The following SCN9A variants were observed in gnomAD, a reference collection of about 807,000 sequenced individuals.
SCN9A encodes sodium voltage-gated channel alpha subunit 9, also known as sodium channel protein type 9 subunit alpha.
Under a neutral mutation model 187.0 loss-of-function variants are expected in SCN9A, and 131 were observed. The ratio of observed to expected loss-of-function variants is 0.70; its 90% CI spans 0.61 to 0.81. SCN9A has a LOEUF of 0.81. SCN9A is among the 30% of genes least tolerant of loss of function. The pLI, the probability that SCN9A is intolerant of heterozygous loss-of-function variation, is 0.00. For synonymous variants in SCN9A, 809 were observed against 808.6 expected (o/e 1.00, Z -0.01); for missense variants, 2,252 against 2,396.6 (o/e 0.94, Z 1.26).
intron 26 of SCN9A, among the ~76,000 whole-genome samples, chr2:166,202,347 T>G (rs1444284608): frequency 1.3e-5 from 2 of 151,742 alleles, no homozygotes; most frequent in African/African-American, 4.8e-5. Flanking sequence ...ACACAGTAAA[T>G]TGGTAATTAT....
Position 166,222,439 on chromosome 2 carries a change from C to T in SCN9A, c.4398+4128G>A, listed in dbSNP as rs1694628021. On this transcript the variant is annotated intron_variant, in intron 24 of 26. Transcript: ENST00000642356. ...GGTCAGGAGATCAAGACCATCCTGG[C>T]CAAAATGGTGAAACTCCATCTCTAC... is the stretch of plus-strand genomic sequence containing the variant. Among the ~76,000 whole-genome samples the T allele has an allele frequency of 2.6e-5, 4 of 151,950 alleles. No individual in the cohort carries two copies. In the South Asian group the frequency reaches 8.3e-4, roughly 32 times the overall value.
intron 18 of SCN9A, among the ~76,000 whole-genome samples, chr2:166,245,010 TTC>T (rs768162138): frequency 3.3e-5 from 5 of 152,094 alleles, no homozygotes; most frequent in Non-Finnish European, 5.9e-5. Flanking sequence ...ATTATTGAAA[TTC>T]TGTTTTTTGA....
chr2:166,277,146 G>A lies in SCN9A; in HGVS notation c.2711C>T (p.Thr904Met), dbSNP rs201432813. 41 of 1,613,824 alleles carry A rather than the reference G, an allele frequency of 2.5e-5. No individual in the cohort carries two copies. The highest frequency in any genetic ancestry group is 3.3e-5 in the South Asian group (3 of 91,082). The change falls in exon 16 of 27, where the codon ACG becomes ATG. Residue 904 changes from threonine to methionine, a missense_variant. Thr to Met is a moderately conservative substitution (Grantham distance 81). Transcript: ENST00000642356. Reference sequence around the variant, plus strand: ...GTCGTTCATGTGCCACCGTGGGAGCGTACAGTCATCATTGATCTTGCAGAC... The same window carrying A: ...GTCGTTCATGTGCCACCGTGGGAGCATACAGTCATCATTGATCTTGCAGAC... ...ECVCKINDDCTLPRWHMNDFF... is the reference protein window; with the variant it reads ...ECVCKINDDCMLPRWHMNDFF...
rs1553495048 is a variant in SCN9A at position 166,303,090 on chromosome 2, T to A, written c.901A>T (p.Lys301Ter). 1 of 1,582,310 alleles carries A rather than the reference T, an allele frequency of 6.3e-7. No homozygotes were observed. Among genetic ancestry groups the A allele is most frequent in the Non-Finnish European group, 8.6e-7 (1 of 1,157,228 alleles). Residue 301 changes from lysine (K) to a stop codon, truncating the protein, a stop_gained and splice_region_variant, in exon 7 of 27, where the codon AAA (lysine) becomes TAA (stop). Coordinates refer to ENST00000642356, the MANE Select transcript of SCN9A (RefSeq NM_001365536.1). LOFTEE classifies it high-confidence loss of function. Reference sequence around the variant, plus strand: ...ATAACAAATGCAAGGACATTCTTACTTCTAAAGTCTTCTTCACTCTCTAGG... The same window carrying A: ...ATAACAAATGCAAGGACATTCTTACATCTAAAGTCTTCTTCACTCTCTAGG... ...NTLESEEDFR[K>*]YFYYLEGSKD...
chr2:166,235,202 C>A (rs1277986896), intron 20 of SCN9A, among the ~76,000 whole-genome samples: 1 of 151,934 alleles, frequency 6.6e-6, no homozygotes, highest in African/African-American at 2.4e-5. Context: ...TTGATACAGC[C>A]CCTAAAATAC....
intron 12 of SCN9A, 136 bp downstream of exon 12, chr2:166,284,317 A>T: frequency 1.0e-6 from 1 of 996,834 alleles, no homozygotes. Context: ...CTAATGAATC[A>T]AAGGTGTGTT....
intron 11 of SCN9A, among the ~76,000 whole-genome samples, chr2:166,285,720 G>C (rs930122568): frequency 6.6e-6 from 1 of 152,094 alleles, no homozygotes; most frequent in Admixed American, 6.6e-5. Context: ...GAAGACCTAA[G>C]GAAAACAGAA....
intron 1 of SCN9A, among the ~76,000 whole-genome samples, chr2:166,357,790 A>G (rs1278511628): frequency 6.6e-6 from 1 of 152,128 alleles, no homozygotes; most frequent in Non-Finnish European, 1.5e-5. Context: ...CATCGAATAA[A>G]GCTTGCATTG....
Position 166,272,410 on chromosome 2 carries a change from A to G in SCN9A, c.3340T>C (p.Tyr1114His), listed in dbSNP as rs199916014. The part of the protein sequence containing the change: ...EELSSDSDSE[Y>H]SKVRLNRSSS... ...TGAAGCATTCTTACCACTTTGCTGT[A>G]TTCACTATCCGAATCACTGCTAAGT... Residue 1114 changes from tyrosine (Y) to histidine (H), a missense_variant, in exon 17 of 27, where the codon TAC becomes CAC. Tyr to His is a moderately conservative substitution (Grantham distance 83). This residue lies in a region of SCN9A where 313 missense variants were observed against 295.3 expected (regional missense o/e 1.06). Coordinates refer to ENST00000642356, the MANE Select transcript of SCN9A (RefSeq NM_001365536.1). The G allele has an allele frequency of 1.0e-5, 16 of 1,584,652 alleles. No individual in the cohort carries two copies. In the South Asian group the frequency reaches 1.5e-4, roughly 15 times the overall value.
chr2:166,293,354 G>A lies in SCN9A; in HGVS notation c.984C>T (p.Tyr328=), dbSNP rs121908917. The A allele has an allele frequency of 6.2e-7, 1 of 1,609,252 alleles. No individual in the cohort carries two copies. Among genetic ancestry groups the A allele is most frequent in the Non-Finnish European group, 8.5e-7 (1 of 1,177,652 alleles). ...GGTTTCTGCCAATTTTCACACAGGT[G>A]TACCCCTCTGGACACTGACTACACA... The part of the protein sequence containing the change: ...STDSGQCPEG[Y]TCVKIGRNPD... Residue 328 remains tyrosine, a synonymous_variant, in exon 9 of 27, where the codon TAC becomes TAT. Transcript: ENST00000642356.
At chr2:166,295,207 C>T (rs1286815682) in intron 7 of SCN9A, among the ~76,000 whole-genome samples, 1 of 152,084 alleles carries the variant, frequency 6.6e-6, no homozygotes, top group East Asian at 1.9e-4. Context: ...AGCAAGATGG[C>T]CAGTGTGGCT....
Position 166,242,568 on chromosome 2 carries a change from C to A in SCN9A, c.3561G>T (p.Lys1187Asn). Residue 1187 changes from lysine (K) to asparagine (N), a missense_variant, in exon 19 of 27, where the codon AAG becomes AAT. Transcript: ENST00000642356. ...TTTCAAACCAACTGTGTTCAACAATCTTGTAGCAGGTTTTCCTGATGTTCC... is the reference window on the plus strand; with the variant it reads ...TTTCAAACCAACTGTGTTCAACAATATTGTAGCAGGTTTTCCTGATGTTCC... ...IWWNIRKTCY[K>N]IVEHSWFESF... 1 of 1,582,598 alleles carries A rather than the reference C, an allele frequency of 6.3e-7. No individual in the cohort carries two copies.
At chr2:166,361,490 A>T (rs1700284792) in intron 1 of SCN9A, among the ~76,000 whole-genome samples, 1 of 152,136 alleles carries the variant, frequency 6.6e-6, no homozygotes, top group South Asian at 2.1e-4. Context: ...AAAGTTCATT[A>T]GTTTATTCAG....
intron 7 of SCN9A, among the ~76,000 whole-genome samples, chr2:166,297,846 A>G (rs955523584): frequency 2.0e-5 from 3 of 152,182 alleles, no homozygotes; most frequent in African/African-American, 7.2e-5. Flanking sequence ...ATAAATGCCA[A>G]CTTATCACTA....
At chr2:166,340,601 T>A (rs1699758057) in intron 1 of SCN9A, among the ~76,000 whole-genome samples, 1 of 92,262 alleles carries the variant, frequency 1.1e-5, no homozygotes, top group Non-Finnish European at 2.1e-5. Flanking sequence ...TTTCTTTCTT[T>A]CTTTTTCTTT....
intron 1 of SCN9A, among the ~76,000 whole-genome samples, chr2:166,341,405 T>C (rs1699782045): frequency 1.3e-5 from 2 of 152,372 alleles, no homozygotes; most frequent in Admixed American, 6.5e-5. Flanking sequence ...ATTGAAGCTA[T>C]GACCAGAAGT....
intron 1 of SCN9A, among the ~76,000 whole-genome samples, chr2:166,362,159 G>A (rs17817679): frequency 0.19 from 29,231 of 151,914 alleles, 2,934 homozygotes; most frequent in Middle Eastern, 0.24. Flanking sequence ...GGAGTCTAAA[G>A]GAACAGTTTA....
At chr2:166,340,390 C>G in intron 1 of SCN9A, among the ~76,000 whole-genome samples, 1 of 152,112 alleles carries the variant, frequency 6.6e-6, no homozygotes, top group East Asian at 1.9e-4. Context: ...ACTACTACTA[C>G]TGATTCTTGG....
At position 166,286,516 on chromosome 2, in the gene SCN9A, T is replaced by C; in HGVS notation, c.1422A>G (p.Lys474=). The part of the protein sequence containing the change: ...ETSKLSSKSA[K]ERRNRRKKKN... ...TTTTCTTTCTTCTGTTTCTTCTTTCTTTAGCACTTTTAGAGCTCAGTTTGG... is the reference window on the plus strand; with the variant it reads ...TTTTCTTTCTTCTGTTTCTTCTTTCCTTAGCACTTTTAGAGCTCAGTTTGG... The change falls in exon 11 of 27, where the codon AAA becomes AAG. Residue 474 remains lysine (K), a synonymous_variant. Transcript: ENST00000642356. The C allele has an allele frequency of 6.2e-7, 1 of 1,613,184 alleles. No homozygotes were observed. Among genetic ancestry groups the C allele is most frequent in the Non-Finnish European group, 8.5e-7 (1 of 1,179,640 alleles).
Sources: allele counts gnomAD v4.1 joint callset (sites outside exome capture counted in the v4.1 genomes callset), GRCh38; gene constraint gnomAD v4.1.1; regional missense constraint gnomAD v4.1.1; transcripts MANE v1.5; gene names NCBI Gene and HGNC (gene_info 2026-07-23, HGNC 2026-07-21).